The following MEF2D variants were observed in gnomAD, a reference collection of about 807,000 sequenced individuals.
MEF2D encodes myocyte enhancer factor 2D.
Under a neutral mutation model 59.3 loss-of-function variants are expected in MEF2D, and 10 were observed. The observed-to-expected ratio is 0.17, with a 90% CI of 0.10 to 0.29. The LOEUF (loss-of-function observed/expected upper bound fraction) is 0.29, where lower values mean the gene tolerates loss of function less well. Ranked by LOEUF, MEF2D falls within the 10% of genes least tolerant of loss-of-function variation. The probability of loss-of-function intolerance (pLI) is 1.00; values close to 1 mark genes in which losing one functional copy is unlikely to be tolerated. For synonymous variants in MEF2D, 305 were observed against 295.0 expected, an observed-to-expected ratio of 1.03 and a Z score of -0.35; for missense variants, 508 against 699.4, an observed-to-expected ratio of 0.73 and a Z score of 3.09.
In MEF2D at chr1:156,468,705, C is replaced by A; in HGVS notation, c.1247+75G>T. 6.4e-7 allele frequency: 1 copy of A among 1,558,316 alleles called. No individual in the cohort carries two copies. Among genetic ancestry groups the A allele is most frequent in the Admixed American group, 1.8e-5 (1 of 57,124 alleles). On this transcript the variant is annotated intron_variant, in intron 10 of 11. Transcript: ENST00000348159. This position sits in a 1 kb window ranked among gnomAD's most constrained non-coding sequence, Gnocchi z 4.3. ...CACTAGAACCCTGCAGGGAACCCAG[C>A]TCCCAAGAGGTCCCTCCTCTTCCCG...
chr1:156,483,681 G>A (rs1672167115), intron 1 of MEF2D, among the ~76,000 whole-genome samples: 1 of 152,236 alleles, frequency 6.6e-6, no homozygotes, highest in Non-Finnish European at 1.5e-5. Context: ...CAGAGTAAAT[G>A]GACCTCCTGG....
chr1:156,479,352 G>A lies in MEF2D; in HGVS notation c.608-6C>T, dbSNP rs757574815. On this transcript the variant is annotated splice_region_variant and splice_polypyrimidine_tract_variant and intron_variant, in intron 5 of 11. Coordinates refer to ENST00000348159, the MANE Select transcript of MEF2D (RefSeq NM_005920.4). ...GTCACCCCCCAGCATGGCCCCTGGA[G>A]GAAAAACAGAACCAGGATGAGCTGA... 2.5e-6 allele frequency: 4 copies of A among 1,611,790 alleles called. No homozygotes were observed. Among genetic ancestry groups the A allele is most frequent in the East Asian group, 2.2e-5 (1 of 44,796 alleles).
intron 6 of MEF2D, 97 bp downstream of exon 6, chr1:156,479,193 T>C: frequency 1.0e-6 from 1 of 1,000,654 alleles, no homozygotes; most frequent in Non-Finnish European, 1.4e-6. Context: ...GGGATCTTCC[T>C]CTCCTCTCAT....
At chr1:156,490,217 A>T (rs1423325962) in intron 1 of MEF2D, among the ~76,000 whole-genome samples, 1 of 149,876 alleles carries the variant, frequency 6.7e-6, no homozygotes, top group East Asian at 2.0e-4. Context: ...CCACGCCCCT[A>T]CTCCTGGGCC....
intron 9 of MEF2D, among the ~76,000 whole-genome samples, chr1:156,473,336 T>A (rs1025360742): frequency 2.0e-4 from 31 of 152,044 alleles, no homozygotes; most frequent in African/African-American, 7.2e-4. Context: ...TTTTTACATG[T>A]GGGGAGGAGG....
At chr1:156,475,944 G>A (rs1671545845) in intron 8 of MEF2D, among the ~76,000 whole-genome samples, 9 of 152,218 alleles carry the variant, frequency 5.9e-5, no homozygotes, top group Admixed American at 5.9e-4. Flanking sequence ...TTAAGTTCAG[G>A]AGGGAGCACA....
Position 156,489,793 on chromosome 1 carries a change from G to C in MEF2D, c.-138-6363C>G, listed in dbSNP as rs562191534. On this transcript the variant is annotated intron_variant, in intron 1 of 11. Coordinates refer to ENST00000348159, the MANE Select transcript of MEF2D (RefSeq NM_005920.4). The stretch of plus-strand genomic sequence containing the variant: ...ACACAGCCCCAGAAGGAGCATCCCA[G>C]AGCAGGCAGGCCGGCCCTGAGAGGC... Among the ~76,000 whole-genome samples, 4 of 152,274 alleles carry C rather than the reference G, an allele frequency of 2.6e-5. No individual in the cohort carries two copies. In the South Asian group the frequency reaches 6.2e-4, roughly 24 times the overall value.
chr1:156,467,683 G>T, intron 11 of MEF2D, 27 bp from the exon 12 acceptor site: 1 of 1,349,128 alleles, frequency 7.4e-7, no homozygotes, highest in Non-Finnish European at 9.6e-7. Flanking sequence ...TGGAGAAGGG[G>T]GTGTGAGGGG....
intron 8 of MEF2D, 91 bp downstream of exon 8, chr1:156,476,403 G>T: frequency 6.9e-7 from 1 of 1,445,650 alleles, no homozygotes; most frequent in Non-Finnish European, 9.6e-7. Context: ...ACAGGCGAGA[G>T]GCCAAGGACG....
intron 1 of MEF2D, among the ~76,000 whole-genome samples, chr1:156,490,966 A>C (rs1672750316): frequency 2.0e-5 from 3 of 152,182 alleles, no homozygotes; most frequent in Admixed American, 6.5e-5. Context: ...GCCAGGGTCC[A>C]GCACTTCCCA....
chr1:156,477,348 C>G (rs959901793), intron 6 of MEF2D, 146 bp from the exon 7 acceptor site: 1 of 657,424 alleles, frequency 1.5e-6, no homozygotes, highest in Non-Finnish European at 2.6e-6. Flanking sequence ...ATCTGATATT[C>G]CCTGAACACT....
In MEF2D at chr1:156,475,188, G is replaced by A. The variant is rs1326954014; in HGVS notation, c.926C>T (p.Thr309Ile). The change falls in exon 9 of 12, where the codon ACC becomes ATC. Residue 309 changes from threonine (T) to isoleucine (I), a missense_variant. This residue lies in a region of MEF2D where 481 missense variants were observed against 584.7 expected (regional missense o/e 0.82). Transcript: ENST00000348159. The stretch of plus-strand genomic sequence containing the variant: ...CGGCGTTGCCACAGAAACCACTGGG[G>A]TGGTGAGCGAATGAGTAGACTGGGA... ...GVSQSTHSLT[T>I]PVVSVATPSL... 1 of 1,614,030 alleles carries A rather than the reference G, an allele frequency of 6.2e-7. No homozygotes were observed. The highest frequency in any genetic ancestry group is 1.3e-5 in the African/African-American group (1 of 74,946).
intron 1 of MEF2D, among the ~76,000 whole-genome samples, chr1:156,495,039 G>A (rs941429072): frequency 6.6e-6 from 1 of 152,052 alleles, no homozygotes; most frequent in East Asian, 1.9e-4. Flanking sequence ...CATCCCATGC[G>A]GCAGCTCACA....
rs150858307 is a variant in MEF2D at position 156,468,533 on chromosome 1, C to A, written c.1248-234G>T. On this transcript the variant is annotated intron_variant, in intron 10 of 11. Transcript: ENST00000348159. This position sits in a 1 kb window ranked among gnomAD's most constrained non-coding sequence, Gnocchi z 4.3. ...TCTTTCCATCCCATGTCATCTTCTG[C>A]AACACAGGGCCCCCCACCTCCCACC... Among the ~76,000 whole-genome samples the A allele has an allele frequency of 1.3e-5, 2 of 152,124 alleles. 1 individual carries two copies. Among genetic ancestry groups the A allele is most frequent in the South Asian group, 4.1e-4 (2 of 4,832 alleles).
At chr1:156,481,070 C>T (rs1450836188) in intron 3 of MEF2D, 99 bp from the exon 4 acceptor site, 19 of 1,536,844 alleles carry the variant, frequency 1.2e-5, no homozygotes, top group South Asian at 5.9e-5. Context: ...TACTCTTCCC[C>T]GACCTCCTTC....
Position 156,468,382 on chromosome 1 carries a change from G to C in MEF2D, c.1248-83C>G, listed in dbSNP as rs2101978938. ...AGAACAAGTGATAGGACACCAGACA[G>C]AAAGTGAGAGAGAACAAGAGGATGA... On this transcript the variant is annotated intron_variant, in intron 10 of 11. Transcript: ENST00000348159. The surrounding 1 kb of genome is among the most constrained non-coding windows in gnomAD (Gnocchi z 4.3). 7.0e-6 allele frequency: 7 copies of C among 1,000,946 alleles called. No individual in the cohort carries two copies. The South Asian group carries it at 1.1e-4, about 16-fold the overall frequency. The allele number at this position is 1,000,946 out of a possible 1,614,324, so 62.0% of individuals were successfully genotyped here.
intron 5 of MEF2D, 55 bp from the exon 6 acceptor site, chr1:156,479,401 G>C (rs1671834806): frequency 6.3e-7 from 1 of 1,580,314 alleles, no homozygotes; most frequent in South Asian, 1.1e-5. Context: ...TCAAGAGTGA[G>C]TCTTGGGGAC....
intron 1 of MEF2D, among the ~76,000 whole-genome samples, chr1:156,494,274 C>T (rs1672996136): frequency 6.6e-6 from 1 of 152,044 alleles, no homozygotes; most frequent in African/African-American, 2.4e-5. Context: ...CTCACTCCAC[C>T]CGCCTGCCGT....
chr1:156,492,731 T>C (rs1672885069), intron 1 of MEF2D, among the ~76,000 whole-genome samples: 1 of 152,082 alleles, frequency 6.6e-6, no homozygotes, highest in Admixed American at 6.6e-5. Context: ...GGACGGTTAG[T>C]GTGTCACCTT....
Sources: allele counts gnomAD v4.1 joint callset (sites outside exome capture counted in the v4.1 genomes callset), GRCh38; gene constraint gnomAD v4.1.1; regional missense constraint gnomAD v4.1.1; non-coding constraint Gnocchi (gnomAD v3.1); transcripts MANE v1.5; gene names NCBI Gene and HGNC (gene_info 2026-07-23, HGNC 2026-07-21).